Variants in KDM2A observed in about 807,000 individuals in gnomAD.
KDM2A encodes lysine-specific demethylase 2A.
In KDM2A, 3 loss-of-function variants were observed where a neutral mutation model predicts 137.3. The ratio of observed to expected loss-of-function variants is 0.02; its 90% CI spans 0.01 to 0.06. The LOEUF is 0.06. KDM2A is among the 10% of genes least tolerant of loss of function. KDM2A has a pLI of 1.00. For synonymous variants in KDM2A, 512 were observed against 541.5 expected, an observed-to-expected ratio of 0.95 and a Z score of 0.76; for missense variants, 738 against 1,510.6, an observed-to-expected ratio of 0.49 and a Z score of 8.48.
At chr11:67,130,440 C>G (rs765969252) in intron 2 of KDM2A, among the ~76,000 whole-genome samples, 27 of 152,132 alleles carry the variant, frequency 1.8e-4, no homozygotes, top group Non-Finnish European at 8.8e-5. Context: ...CCACCATGCC[C>G]GGCCTTAAGC....
chr11:67,144,893 A>G (rs1021379251), intron 2 of KDM2A, among the ~76,000 whole-genome samples: 1 of 148,586 alleles, frequency 6.7e-6, no homozygotes, highest in Admixed American at 6.7e-5. Context: ...TTTTTGAGAC[A>G]GAGTCTCGCT....
rs1261234527 is a variant in KDM2A at position 67,207,526 on chromosome 11, G to A, written c.324G>A (p.Val108=). The part of the protein sequence containing the change: ...VKMCVGSRRM[V]DVMDVNTQKG... ...TTATGGCAGGGAGTCGTCGCATGGT[G>A]GATGTCATGGACGTGAACACACAGA... Residue 108 remains valine, a synonymous_variant, in exon 6 of 21, where the codon GTG becomes GTA. Transcript: ENST00000529006. 5.6e-6 allele frequency: 9 copies of A among 1,602,000 alleles called. No homozygotes were observed. Among genetic ancestry groups the A allele is most frequent in the Non-Finnish European group, 7.7e-6 (9 of 1,171,674 alleles).
intron 2 of KDM2A, among the ~76,000 whole-genome samples, chr11:67,125,291 C>T (rs1204119498): frequency 6.6e-6 from 1 of 151,562 alleles, no homozygotes. Context: ...AGTGATCTTC[C>T]CACGTCAGCT....
chr11:67,253,742 CAG>C (rs1223444063), intron 19 of KDM2A, 131 bp downstream of exon 19: 2 of 909,212 alleles, frequency 2.2e-6, no homozygotes, highest in African/African-American at 3.3e-5. Flanking sequence ...AAAATGAAAA[CAG>C]AATGATGGAC....
At chr11:67,184,136 T>C (rs1360024722) in intron 5 of KDM2A, among the ~76,000 whole-genome samples, 1 of 150,180 alleles carries the variant, frequency 6.7e-6, no homozygotes, top group African/African-American at 2.5e-5. Flanking sequence ...GCAGTTGTTG[T>C]TGCATCTTCT....
At chr11:67,208,495 G>A (rs988703876) in intron 6 of KDM2A, among the ~76,000 whole-genome samples, 1 of 152,022 alleles carries the variant, frequency 6.6e-6, no homozygotes, top group African/African-American at 2.4e-5. Context: ...TTGGGGCCAG[G>A]CGCAGTGGCT....
chr11:67,218,863 C>G (rs1244295948), intron 9 of KDM2A, among the ~76,000 whole-genome samples: 1 of 152,240 alleles, frequency 6.6e-6, no homozygotes, highest in Admixed American at 6.5e-5. Flanking sequence ...CCCGCCTCAG[C>G]CTCCCAGAGT....
intron 2 of KDM2A, among the ~76,000 whole-genome samples, chr11:67,149,918 C>T (rs1856347217): frequency 6.6e-6 from 1 of 151,978 alleles, no homozygotes. Flanking sequence ...AGCGGGGTTT[C>T]ACCATGTTGG....
chr11:67,157,737 C>T (rs1856549929), intron 2 of KDM2A, among the ~76,000 whole-genome samples: 2 of 146,614 alleles, frequency 1.4e-5, no homozygotes, highest in African/African-American at 5.1e-5. Flanking sequence ...AAAAGCAAGA[C>T]TCCGTCTCCA....
chr11:67,203,804 T>TC (rs1162707535), intron 5 of KDM2A, among the ~76,000 whole-genome samples: 1 of 151,330 alleles, frequency 6.6e-6, no homozygotes, highest in East Asian at 1.9e-4. Context: ...TTTTTTTTTT[T>TC]CTTTTTTCTT....
At chr11:67,128,522 TTG>T (rs1287131610) in intron 2 of KDM2A, among the ~76,000 whole-genome samples, 3 of 152,172 alleles carry the variant, frequency 2.0e-5, no homozygotes, top group Non-Finnish European at 2.9e-5. Flanking sequence ...ACTGGTCTCA[TTG>T]TTGCGGCCTC....
rs1251183437 is a variant in KDM2A at position 67,122,749 on chromosome 11, C to T, written c.42+1391C>T. ...GGAGTGCAGTGGCGCAATCTCTGCT[C>T]ACTGCACGCTCCGCCTCCTGGGTTC... On this transcript the variant is annotated intron_variant, in intron 2 of 20. Coordinates refer to ENST00000529006, the MANE Select transcript of KDM2A (RefSeq NM_012308.3). Among the ~76,000 whole-genome samples the T allele has an allele frequency of 4.6e-5, 7 of 151,722 alleles. No individual in the cohort carries two copies. The East Asian group carries it at 1.4e-3, about 29-fold the overall frequency.
intron 12 of KDM2A, chr11:67,240,298 GAAAAC>G: frequency 6.5e-7 from 1 of 1,535,646 alleles, no homozygotes; most frequent in Non-Finnish European, 8.7e-7. Context: ...TTCCAGTACA[GAAAAC>G]AAAACAAAGA....
At chr11:67,219,626 A>G (rs1418151283) in intron 10 of KDM2A, 2 of 240,390 alleles carry the variant, frequency 8.3e-6, no homozygotes, top group Non-Finnish European at 1.6e-5. Flanking sequence ...GTGATCATGG[A>G]TGATTGCAGC....
chr11:67,182,999 C>T (rs1857124098), intron 5 of KDM2A, among the ~76,000 whole-genome samples: 3 of 152,208 alleles, frequency 2.0e-5, no homozygotes, highest in African/African-American at 7.2e-5. Flanking sequence ...CTCCTGGCCA[C>T]TTGTGGGTCC....
intron 2 of KDM2A, among the ~76,000 whole-genome samples, chr11:67,143,880 C>T (rs868178062): frequency 5.9e-5 from 9 of 152,018 alleles, no homozygotes; most frequent in South Asian, 2.1e-4. Context: ...GATCCGCCTG[C>T]GTCGGCCTCC....
At chr11:67,229,842 C>A (rs953518471) in intron 11 of KDM2A, among the ~76,000 whole-genome samples, 2 of 148,994 alleles carry the variant, frequency 1.3e-5, no homozygotes, top group African/African-American at 5.0e-5. Context: ...TGCACTCCAG[C>A]TTGGGCGACA....
intron 2 of KDM2A, among the ~76,000 whole-genome samples, chr11:67,159,649 T>TGG (rs1280109305): frequency 6.6e-6 from 1 of 152,190 alleles, no homozygotes; most frequent in African/African-American, 2.4e-5. Flanking sequence ...AAATAATCTG[T>TGG]GGGGTGATTC....
chr11:67,223,323 A>G (rs761771796), intron 10 of KDM2A, among the ~76,000 whole-genome samples: 1 of 152,074 alleles, frequency 6.6e-6, no homozygotes, highest in Non-Finnish European at 1.5e-5. Flanking sequence ...ATACAGTCTT[A>G]TAAGTTACGA....
Sources: allele counts gnomAD v4.1 joint callset (sites outside exome capture counted in the v4.1 genomes callset), GRCh38; gene constraint gnomAD v4.1.1; transcripts MANE v1.5; gene names NCBI Gene and HGNC (gene_info 2026-07-23, HGNC 2026-07-21).